POMK: variants seen among roughly 807,000 people sequenced by gnomAD.
POMK encodes the protein Sugen kinase 196.
Under a neutral mutation model 23.0 loss-of-function variants are expected in POMK, and 19 were observed. That is an observed-to-expected ratio of 0.83 (90% CI 0.58 to 1.21). The LOEUF is 1.21. Among genes scored for constraint, POMK ranks in the 50% most tolerant of loss-of-function variants. The pLI is 0.00. For missense variants in POMK, 410 were observed against 431.3 expected (o/e 0.95, Z 0.44); for synonymous variants, 173 against 171.6 (o/e 1.01, Z -0.06).
chr8:43,119,763 T>G (rs1462267289), intron 4 of POMK, among the ~76,000 whole-genome samples: 1 of 152,090 alleles, frequency 6.6e-6, no homozygotes, highest in Non-Finnish European at 1.5e-5. Flanking sequence ...GTTATTATCC[T>G]TAGTGAAATT....
At chr8:43,106,509 CTTTT>C (rs1221471764) in intron 4 of POMK, among the ~76,000 whole-genome samples, 3 of 115,208 alleles carry the variant, frequency 2.6e-5, no homozygotes, top group South Asian at 3.0e-4. Context: ...TTTACTTTTG[CTTTT>C]TTTTTTTTTT....
Position 43,122,452 on chromosome 8 carries a change from A to G in POMK, c.628A>G (p.Lys210Glu). The change falls in exon 5 of 5, where the codon AAG becomes GAG. Residue 210 changes from lysine (K) to glutamate (E), a missense_variant. Physicochemically the swap from Lys to Glu is moderately conservative, Grantham distance 56. Transcript: ENST00000331373. ...RVMCDSNDLP[K>E]TLSQYLLTSN... is the part of the protein sequence containing the mutation. ...CATGTGCGACTCCAACGACCTGCCG[A>G]AGACACTGTCCCAGTATCTGCTAAC... is the stretch of plus-strand genomic sequence containing the variant. The G allele has an allele frequency of 1.2e-6, 2 of 1,614,142 alleles. No homozygotes were observed. The highest frequency in any genetic ancestry group is 2.2e-5 in the South Asian group (2 of 91,082).
intron 2 of POMK, among the ~76,000 whole-genome samples, chr8:43,098,046 C>A (rs1811369571): frequency 1.3e-5 from 2 of 152,110 alleles, no homozygotes; most frequent in Admixed American, 1.3e-4. Context: ...CTTGGCCAAC[C>A]ACAGCTTCTG....
chr8:43,105,802 T>G (rs1333038055), intron 4 of POMK, among the ~76,000 whole-genome samples: 1 of 152,126 alleles, frequency 6.6e-6, no homozygotes, highest in Non-Finnish European at 1.5e-5. Flanking sequence ...TAGCTGGAGT[T>G]ACAGGCATGT....
chr8:43,122,848 A>C lies in POMK; in HGVS notation c.1024A>C (p.Met342Leu), dbSNP rs762404960. The C allele has an allele frequency of 1.2e-6, 2 of 1,612,760 alleles. No homozygotes were observed. Among genetic ancestry groups the C allele is most frequent in the Non-Finnish European group, 1.7e-6 (2 of 1,179,716 alleles). ...GGTCTTGGATACACTTAGAGATGCC[A>C]TGATGTCTCAGGCAAGAGAGATGCT... is the stretch of plus-strand genomic sequence containing the variant. The part of the protein sequence containing the change: ...QKVLDTLRDA[M>L]MSQAREML Residue 342 changes from methionine to leucine, a missense_variant, in exon 5 of 5, where the codon ATG becomes CTG. Physicochemically the swap from Met to Leu is conservative, Grantham distance 15 (BLOSUM62 2). Transcript: ENST00000331373.
chr8:43,116,612 C>T (rs78798611), intron 4 of POMK, among the ~76,000 whole-genome samples: 3 of 152,112 alleles, frequency 2.0e-5, no homozygotes, highest in Non-Finnish European at 4.4e-5. Flanking sequence ...AATAAAGGAT[C>T]TCATAGGTAA....
At chr8:43,112,826 T>G (rs554931279) in intron 4 of POMK, among the ~76,000 whole-genome samples, 1 of 152,044 alleles carries the variant, frequency 6.6e-6, no homozygotes, top group Non-Finnish European at 1.5e-5. Context: ...GCTTCATCAG[T>G]GAAGGAGAAA....
intron 2 of POMK, among the ~76,000 whole-genome samples, chr8:43,099,052 T>G (rs1228197890): frequency 1.3e-5 from 2 of 152,216 alleles, no homozygotes; most frequent in African/African-American, 4.8e-5. Flanking sequence ...ACTCAAATGA[T>G]CCTCCCACCT....
chr8:43,108,142 G>A lies in POMK; in HGVS notation c.282+4312G>A, dbSNP rs62517598. Among the ~76,000 whole-genome samples the A allele has an allele frequency of 1.5e-3, 231 of 152,260 alleles. 1 individual carries two copies. The highest frequency in any genetic ancestry group is 9.1e-3 in the South Asian group (44 of 4,826). ...AGTTCCTCTCCTCTTGATGCCCCTA[G>A]ATAACTTGGGGCTCCTGGGCCTGTC... On this transcript the variant is annotated intron_variant, in intron 4 of 4. Coordinates refer to ENST00000331373, the MANE Select transcript of POMK (RefSeq NM_032237.5).
rs1811955861 is a variant in POMK at position 43,123,020 on chromosome 8, A to G, written c.*143A>G. 5 of 696,070 alleles carry G rather than the reference A, an allele frequency of 7.2e-6. No individual in the cohort carries two copies. In the Admixed American group the frequency reaches 8.6e-5, roughly 12 times the overall value. The allele number at this position is 696,070 out of a possible 1,614,324, so 43.1% of individuals were successfully genotyped here. The stretch of plus-strand genomic sequence containing the variant: ...GCCATGTGGTTCGTTGTCCACATCC[A>G]CATGTACGTTTGTATGTAGTCCACA... On this transcript the variant is annotated 3_prime_UTR_variant, in exon 5 of 5. Transcript: ENST00000331373.
intron 1 of POMK, among the ~76,000 whole-genome samples, chr8:43,095,512 A>C (rs1811316039): frequency 6.6e-6 from 1 of 152,192 alleles, no homozygotes; most frequent in Non-Finnish European, 1.5e-5. Context: ...CTGAGGGTCC[A>C]AGAGAGATTA....
Position 43,103,648 on chromosome 8 carries a change from C to T in POMK, c.100C>T (p.Leu34Phe). ...LLIMALMNTL[L>F]YLCLDHFFIA... ...GATCATGGCCCTGATGAATACTCTG[C>T]TCTACCTCTGCCTCGACCACTTCTT... The change falls in exon 4 of 5, where the codon CTC becomes TTC. Residue 34 changes from leucine to phenylalanine, a missense_variant. Transcript: ENST00000331373. The T allele has an allele frequency of 6.2e-7, 1 of 1,614,080 alleles. No individual in the cohort carries two copies. Among genetic ancestry groups the T allele is most frequent in the Non-Finnish European group, 8.5e-7 (1 of 1,180,024 alleles).
intron 4 of POMK, among the ~76,000 whole-genome samples, chr8:43,111,324 C>T (rs1379397629): frequency 6.6e-6 from 1 of 152,316 alleles, no homozygotes; most frequent in African/African-American, 2.4e-5. Flanking sequence ...TCACTCATTG[C>T]TAGCACAGCA....
At chr8:43,095,982 C>T (rs955720707) in intron 1 of POMK, among the ~76,000 whole-genome samples, 6 of 152,108 alleles carry the variant, frequency 3.9e-5, no homozygotes, top group South Asian at 2.1e-4. Context: ...AGAGGAAGAG[C>T]GGATTCCGTG....
chr8:43,122,590 C>G lies in POMK; in HGVS notation c.766C>G (p.Pro256Ala), dbSNP rs751177038. The G allele has an allele frequency of 6.2e-7, 1 of 1,614,206 alleles. No individual in the cohort carries two copies. Among genetic ancestry groups the G allele is most frequent in the Non-Finnish European group, 8.5e-7 (1 of 1,180,040 alleles). Residue 256 changes from proline to alanine, a missense_variant, in exon 5 of 5, where the codon CCA becomes GCA. Physicochemically the swap from Pro to Ala is conservative, Grantham distance 27. Coordinates refer to ENST00000331373, the MANE Select transcript of POMK (RefSeq NM_032237.5). ...GGAGCTGCATGGGGATTTCGTGGCTCCAGAGCAACTGTGGCCCTATGGAGA... is the reference window on the plus strand; with the variant it reads ...GGAGCTGCATGGGGATTTCGTGGCTGCAGAGCAACTGTGGCCCTATGGAGA... ...HRELHGDFVA[P>A]EQLWPYGEDV...
At chr8:43,107,892 A>G (rs1811576542) in intron 4 of POMK, among the ~76,000 whole-genome samples, 1 of 152,074 alleles carries the variant, frequency 6.6e-6, no homozygotes, top group Non-Finnish European at 1.5e-5. Context: ...TGTGTTGCCC[A>G]GGCTGGTCTT....
intron 1 of POMK, among the ~76,000 whole-genome samples, chr8:43,093,979 AGGCGGGAGAATGCTTGAACCCGGCGGG>A (rs1811278598): frequency 6.6e-6 from 1 of 152,216 alleles, no homozygotes. Flanking sequence ...CCGGAGGCTG[AGGCGGGAGAATGCTTGAACCCGGCGGG>A]GGCGGAGGTT....
At chr8:43,107,408 T>C (rs549590977) in intron 4 of POMK, among the ~76,000 whole-genome samples, 3 of 152,216 alleles carry the variant, frequency 2.0e-5, no homozygotes, top group Non-Finnish European at 4.4e-5. Context: ...GGAGCCTTGC[T>C]CTGTCGCCCA....
At chr8:43,117,302 C>G (rs559291094) in intron 4 of POMK, among the ~76,000 whole-genome samples, 1 of 152,128 alleles carries the variant, frequency 6.6e-6, no homozygotes, top group East Asian at 1.9e-4. Flanking sequence ...AGAAGCCTGA[C>G]GAGAGAAATG....
Sources: allele counts gnomAD v4.1 joint callset (sites outside exome capture counted in the v4.1 genomes callset), GRCh38; gene constraint gnomAD v4.1.1; transcripts MANE v1.5; gene names NCBI Gene and HGNC (gene_info 2026-07-23, HGNC 2026-07-21).